The following CACNB4 variants were observed in gnomAD, a reference collection of about 807,000 sequenced individuals.
The protein encoded by CACNB4 is voltage-dependent L-type calcium channel subunit beta-4.
CACNB4 carries 32 observed loss-of-function variants against 71.2 expected under a neutral mutation model. The observed-to-expected ratio is 0.45, with a 90% CI of 0.34 to 0.60. The LOEUF is 0.60. Ranked by LOEUF, CACNB4 falls within the 20% of genes least tolerant of loss-of-function variation. The probability of loss-of-function intolerance (pLI) is 0.01; values close to 1 mark genes in which losing one functional copy is unlikely to be tolerated. For missense variants in CACNB4, 464 were observed against 647.9 expected (o/e 0.72, Z 3.08); for synonymous variants, 231 against 236.9 (o/e 0.97, Z 0.23).
At chr2:151,978,367 T>C (rs1228875497) in intron 2 of CACNB4, among the ~76,000 whole-genome samples, 3 of 152,138 alleles carry the variant, frequency 2.0e-5, no homozygotes, top group Admixed American at 6.6e-5. Flanking sequence ...GCAGCCCACA[T>C]TGCCCAGCTC....
intron 2 of CACNB4, among the ~76,000 whole-genome samples, chr2:152,071,262 T>C (rs1389772840): frequency 3.3e-5 from 5 of 152,226 alleles, no homozygotes; most frequent in African/African-American, 1.2e-4. Flanking sequence ...CTTGTTACCA[T>C]GGAGACTGTA....
chr2:151,908,486 T>C (rs2099855347), intron 2 of CACNB4, among the ~76,000 whole-genome samples: 2 of 152,128 alleles, frequency 1.3e-5, no homozygotes, highest in African/African-American at 4.8e-5. Flanking sequence ...CTTCCTGGCA[T>C]TGTCAACCCT....
chr2:152,067,516 A>G (rs574090099), intron 2 of CACNB4, among the ~76,000 whole-genome samples: 1 of 152,164 alleles, frequency 6.6e-6, no homozygotes, highest in Admixed American at 6.5e-5. Flanking sequence ...CAGCCTGATA[A>G]TGTATTCTTG....
chr2:152,082,808 T>A (rs888504699), intron 2 of CACNB4, among the ~76,000 whole-genome samples: 1 of 152,174 alleles, frequency 6.6e-6, no homozygotes, highest in Non-Finnish European at 1.5e-5. Flanking sequence ...AAAGCTAGGC[T>A]CCCAGATTAG....
intron 2 of CACNB4, among the ~76,000 whole-genome samples, chr2:151,888,250 C>T (rs776778054): frequency 6.6e-6 from 1 of 152,090 alleles, no homozygotes; most frequent in Non-Finnish European, 1.5e-5. Flanking sequence ...AAGCAAGGGT[C>T]TACAAAGGTT....
chr2:151,973,974 T>TGAGGAACCACA, intron 2 of CACNB4: 21 of 1,211,222 alleles, frequency 1.7e-5, no homozygotes, highest in Non-Finnish European at 2.0e-5. Context: ...CACAGACTGG[T>TGAGGAACCACA]GACTGAGCTA....
intron 2 of CACNB4, among the ~76,000 whole-genome samples, chr2:152,020,153 A>T (rs1683573337): frequency 6.6e-6 from 1 of 152,204 alleles, no homozygotes; most frequent in Non-Finnish European, 1.5e-5. Context: ...CCCTTTAGGG[A>T]AAGGAGAGCC....
chr2:151,898,344 G>A (rs999844697), intron 2 of CACNB4, among the ~76,000 whole-genome samples: 5 of 152,132 alleles, frequency 3.3e-5, no homozygotes, highest in Non-Finnish European at 7.3e-5. Context: ...ACTTCAAGAC[G>A]GCCAGGGCTA....
At chr2:152,007,073 G>A (rs73013231) in intron 2 of CACNB4, among the ~76,000 whole-genome samples, 7,587 of 152,104 alleles carry the variant, frequency 0.05, 622 homozygotes, top group African/African-American at 0.17. Context: ...ACTTTGTGCC[G>A]GCAAGTCACA....
At chr2:152,089,527 G>A (rs1290487296) in intron 2 of CACNB4, among the ~76,000 whole-genome samples, 1 of 152,182 alleles carries the variant, frequency 6.6e-6, no homozygotes, top group Non-Finnish European at 1.5e-5. Flanking sequence ...TTTGAGGCCT[G>A]TCACCCATTC....
intron 12 of CACNB4, among the ~76,000 whole-genome samples, chr2:151,846,855 T>C (rs1465992831): frequency 6.6e-6 from 1 of 152,090 alleles, no homozygotes; most frequent in Non-Finnish European, 1.5e-5. Context: ...GTGCCTGAAC[T>C]TCACTTTTTA....
intron 2 of CACNB4, among the ~76,000 whole-genome samples, chr2:152,078,189 T>C (rs900205162): frequency 6.6e-6 from 1 of 152,198 alleles, no homozygotes; most frequent in African/African-American, 2.4e-5. Context: ...GAGGATGTTC[T>C]GCTGCATATG....
chr2:152,010,745 C>T (rs1683007744), intron 2 of CACNB4, among the ~76,000 whole-genome samples: 1 of 152,204 alleles, frequency 6.6e-6, no homozygotes, highest in Admixed American at 6.5e-5. Flanking sequence ...TCCATGAGGG[C>T]CACCCTGCCC....
intron 2 of CACNB4, among the ~76,000 whole-genome samples, chr2:152,026,244 G>A (rs945357058): frequency 1.3e-5 from 2 of 152,014 alleles, no homozygotes; most frequent in African/African-American, 4.8e-5. Flanking sequence ...TCCAGGACAG[G>A]GCCCCAGCAA....
At chr2:151,985,303 C>T (rs1254261296) in intron 2 of CACNB4, among the ~76,000 whole-genome samples, 1 of 152,114 alleles carries the variant, frequency 6.6e-6, no homozygotes, top group Non-Finnish European at 1.5e-5. Context: ...CCCCACATTA[C>T]TAAAAACTCC....
At chr2:152,058,105 TC>T (rs1458601492) in intron 2 of CACNB4, among the ~76,000 whole-genome samples, 1 of 152,196 alleles carries the variant, frequency 6.6e-6, no homozygotes, top group African/African-American at 2.4e-5. Context: ...GTAAAAAAGG[TC>T]CTCACTTTCC....
At chr2:152,067,530 T>G (rs1397312084) in intron 2 of CACNB4, among the ~76,000 whole-genome samples, 1 of 152,132 alleles carries the variant, frequency 6.6e-6, no homozygotes, top group Non-Finnish European at 1.5e-5. Context: ...ATTCTTGTAC[T>G]GGCTTTTTCT....
In CACNB4 at chr2:151,842,044, T is replaced by G. The variant is rs1362936055; in HGVS notation, c.1161A>C (p.Ala387=). Reference sequence around the variant, plus strand: ...CCAGGTACTCCCCTAGATGTTCACATGCATCCTCAAGCTGATTTTCATCCA... The same window carrying G: ...CCAGGTACTCCCCTAGATGTTCACAGGCATCCTCAAGCTGATTTTCATCCA... ...VILDENQLED[A]CEHLGEYLEA... The change falls in exon 13 of 14, where the codon GCA becomes GCC. Residue 387 remains alanine, a synonymous_variant. Coordinates refer to ENST00000539935, the MANE Select transcript of CACNB4 (RefSeq NM_000726.5). 3 of 1,613,988 alleles carry G rather than the reference T, an allele frequency of 1.9e-6. No individual in the cohort carries two copies. The highest frequency in any genetic ancestry group is 2.2e-5 in the South Asian group (2 of 91,092).
At chr2:152,016,456 G>A (rs566624141) in intron 2 of CACNB4, among the ~76,000 whole-genome samples, 1 of 152,176 alleles carries the variant, frequency 6.6e-6, no homozygotes, top group Non-Finnish European at 1.5e-5. Context: ...GAAGAACCCT[G>A]TCTCACTGTC....
Sources: gnomAD v4.1 joint callset for allele counts (sites outside exome capture counted in the v4.1 genomes callset) on GRCh38, gnomAD v4.1.1 for gene constraint, MANE v1.5 for transcripts, NCBI Gene and HGNC (gene_info 2026-07-23, HGNC 2026-07-21) for gene names.